The following MAN1C1 variants were observed in gnomAD, a reference collection of about 807,000 sequenced individuals.
The protein encoded by MAN1C1 is mannosidase alpha class 1C member 1.
A neutral mutation model predicts 71.5 loss-of-function variants in MAN1C1; 49 were observed. That is an observed-to-expected ratio of 0.69 (90% CI 0.54 to 0.87). The LOEUF (loss-of-function observed/expected upper bound fraction) is 0.87, where lower values mean the gene tolerates loss of function less well. Among genes scored for constraint, MAN1C1 ranks in the 40% least tolerant of loss-of-function variants. The pLI is 0.00. For synonymous variants in MAN1C1, 352 were observed against 343.7 expected (o/e 1.02, Z -0.27); for missense variants, 743 against 835.0 (o/e 0.89, Z 1.36).
At chr1:25,700,595 G>A (rs1171861660) in intron 2 of MAN1C1, among the ~76,000 whole-genome samples, 5 of 152,214 alleles carry the variant, frequency 3.3e-5, no homozygotes, top group Admixed American at 2.6e-4. Flanking sequence ...CATGATGCCG[G>A]CCTAAGGAAC....
rs570263130 is a variant in MAN1C1, at chr1:25,746,349, G to T, written c.638-319G>T. 2.0e-5 allele frequency among the ~76,000 whole-genome samples: 3 copies of T among 152,342 alleles called. No individual in the cohort carries two copies. Among genetic ancestry groups the T allele is most frequent in the African/African-American group, 7.2e-5 (3 of 41,582 alleles). ...TTTTTATATGCCAAAGCAGAGAAAAGTGGGTGGCTGATTGGCACTGATAGT... is the reference window on the plus strand; with the variant it reads ...TTTTTATATGCCAAAGCAGAGAAAATTGGGTGGCTGATTGGCACTGATAGT... On this transcript the variant is annotated intron_variant, in intron 2 of 11. Transcript: ENST00000374332. This position sits in a 1 kb window ranked among gnomAD's most constrained non-coding sequence, Gnocchi z 4.0.
chr1:25,758,063 A>T (rs2047312846), intron 5 of MAN1C1, among the ~76,000 whole-genome samples: 1 of 152,252 alleles, frequency 6.6e-6, no homozygotes, highest in South Asian at 2.1e-4. Context: ...GGGCCATTTC[A>T]TGTCCTTGGG....
chr1:25,678,201 CTAA>C (rs1169256749), intron 1 of MAN1C1, among the ~76,000 whole-genome samples: 2 of 152,088 alleles, frequency 1.3e-5, no homozygotes. Flanking sequence ...GCCTTTCCAC[CTAA>C]TAATATATAC....
intron 5 of MAN1C1, among the ~76,000 whole-genome samples, chr1:25,755,918 G>A (rs1000944380): frequency 6.6e-6 from 1 of 152,194 alleles, no homozygotes; most frequent in Non-Finnish European, 1.5e-5. Flanking sequence ...CTGAGCAGAG[G>A]CCCTCCTGGT....
At chr1:25,633,497 G>T (rs2045413569) in intron 1 of MAN1C1, among the ~76,000 whole-genome samples, 1 of 149,358 alleles carries the variant, frequency 6.7e-6, no homozygotes. Flanking sequence ...GTTCTTGTTG[G>T]ATTGATCCTT....
intron 2 of MAN1C1, among the ~76,000 whole-genome samples, chr1:25,695,937 G>T (rs2046364083): frequency 6.6e-6 from 1 of 152,164 alleles, no homozygotes; most frequent in Non-Finnish European, 1.5e-5. Context: ...ATTTCTTTCT[G>T]TCTTTCTTTC....
intron 4 of MAN1C1, among the ~76,000 whole-genome samples, chr1:25,752,891 G>A (rs80084113): frequency 1.5e-3 from 233 of 152,356 alleles, no homozygotes; most frequent in Non-Finnish European, 2.6e-3. Flanking sequence ...CTGCTCTTAC[G>A]CAGGAAGAGG....
intron 1 of MAN1C1, among the ~76,000 whole-genome samples, chr1:25,636,008 G>A (rs912570484): frequency 3.3e-5 from 5 of 152,168 alleles, no homozygotes; most frequent in African/African-American, 1.2e-4. Context: ...ATGCCCACCT[G>A]AGCCACAAGA....
intron 2 of MAN1C1, among the ~76,000 whole-genome samples, chr1:25,736,845 G>C (rs1449565495): frequency 6.6e-6 from 1 of 152,138 alleles, no homozygotes; most frequent in African/African-American, 2.4e-5. Context: ...CCATTTCACT[G>C]AGGGTGCAAG....
chr1:25,744,220 G>A (rs2047097607), intron 2 of MAN1C1, among the ~76,000 whole-genome samples: 1 of 152,138 alleles, frequency 6.6e-6, no homozygotes, highest in Admixed American at 6.5e-5. Context: ...GTCTGCCTGG[G>A]CTCCTCAGTG....
At chr1:25,783,080 T>C (rs2047719260) in intron 11 of MAN1C1, among the ~76,000 whole-genome samples, 1 of 152,166 alleles carries the variant, frequency 6.6e-6, no homozygotes, top group African/African-American at 2.4e-5. Flanking sequence ...GCCTCTGCAG[T>C]GTGGCTGCTG....
At chr1:25,661,176 A>G (rs1217784511) in intron 1 of MAN1C1, among the ~76,000 whole-genome samples, 10 of 152,348 alleles carry the variant, frequency 6.6e-5, no homozygotes, top group African/African-American at 2.4e-4. Flanking sequence ...TTAGTTGTTA[A>G]ACCGCACACT....
intron 1 of MAN1C1, among the ~76,000 whole-genome samples, chr1:25,621,127 T>C (rs866760640): frequency 4.6e-5 from 7 of 152,326 alleles, no homozygotes; most frequent in African/African-American, 1.4e-4. Flanking sequence ...CCCTCTTGCT[T>C]CTGGCCCTGG....
intron 3 of MAN1C1, among the ~76,000 whole-genome samples, chr1:25,747,241 G>A (rs578071376): frequency 3.9e-5 from 6 of 152,328 alleles, no homozygotes; most frequent in Admixed American, 3.3e-4. Context: ...GGGTGGGCGT[G>A]GAGTGGGTGG....
intron 1 of MAN1C1, among the ~76,000 whole-genome samples, chr1:25,659,565 A>G (rs1454294014): frequency 1.3e-5 from 2 of 152,206 alleles, no homozygotes; most frequent in Non-Finnish European, 1.5e-5. Context: ...TTTTAGTGAT[A>G]AAAGTTACAT....
At chr1:25,686,593 C>A (rs752968753) in intron 2 of MAN1C1, 57 bp downstream of exon 2, 34 of 1,488,700 alleles carry the variant, frequency 2.3e-5, no homozygotes, top group Non-Finnish European at 2.9e-5. Context: ...CGCCAGTGGC[C>A]GAGTGGAATT....
At chr1:25,679,152 C>T (rs1478019164) in intron 1 of MAN1C1, among the ~76,000 whole-genome samples, 1 of 152,094 alleles carries the variant, frequency 6.6e-6, no homozygotes, top group African/African-American at 2.4e-5. Flanking sequence ...GGGAGTGACC[C>T]AGAAGTGGGA....
intron 2 of MAN1C1, among the ~76,000 whole-genome samples, chr1:25,693,328 G>C (rs972032531): frequency 6.6e-6 from 1 of 152,024 alleles, no homozygotes; most frequent in Non-Finnish European, 1.5e-5. Context: ...GAATGGCAGA[G>C]GCAGAAGAAA....
intron 1 of MAN1C1, among the ~76,000 whole-genome samples, chr1:25,667,202 G>C (rs943959810): frequency 1.3e-5 from 2 of 152,114 alleles, no homozygotes; most frequent in Non-Finnish European, 2.9e-5. Context: ...AATTCAAAGA[G>C]GCTGGGAGTG....
Sources: gnomAD v4.1 joint callset for allele counts (sites outside exome capture counted in the v4.1 genomes callset) on GRCh38, gnomAD v4.1.1 for gene constraint, Gnocchi (gnomAD v3.1) non-coding constraint, MANE v1.5 for transcripts, NCBI Gene and HGNC (gene_info 2026-07-23, HGNC 2026-07-21) for gene names.